CFAP299: variants seen among roughly 807,000 people sequenced by gnomAD.
The protein encoded by CFAP299 is cilia- and flagella-associated protein 299.
In CFAP299, 21 loss-of-function variants were observed where a neutral mutation model predicts 27.0. The ratio of observed to expected loss-of-function variants is 0.78; its 90% CI spans 0.55 to 1.12. The LOEUF is 1.12. Among genes scored for constraint, CFAP299 ranks in the 50% most tolerant of loss-of-function variants. The probability of loss-of-function intolerance (pLI) is 0.00; values close to 1 mark genes in which losing one functional copy is unlikely to be tolerated. For synonymous variants in CFAP299, 104 were observed against 98.1 expected, an observed-to-expected ratio of 1.06 and a Z score of -0.36; for missense variants, 310 against 276.6, an observed-to-expected ratio of 1.12 and a Z score of -0.86.
At chr4:80,842,110 G>A (rs912370994) in intron 3 of CFAP299, among the ~76,000 whole-genome samples, 1 of 152,054 alleles carries the variant, frequency 6.6e-6, no homozygotes, top group African/African-American at 2.4e-5. Context: ...AGAGGTGGGG[G>A]ACTTTGGCTG....
At chr4:80,424,671 C>T (rs1336554439) in intron 2 of CFAP299, among the ~76,000 whole-genome samples, 1 of 152,110 alleles carries the variant, frequency 6.6e-6, no homozygotes. Context: ...CCAAGAACAG[C>T]ATATAACAAT....
At chr4:80,462,275 C>G (rs1729475292) in intron 2 of CFAP299, among the ~76,000 whole-genome samples, 1 of 151,896 alleles carries the variant, frequency 6.6e-6, no homozygotes, top group Non-Finnish European at 1.5e-5. Flanking sequence ...GTAAATAAAC[C>G]TCCCTCTACC....
chr4:80,491,317 A>G (rs1222526775), intron 2 of CFAP299, among the ~76,000 whole-genome samples: 1 of 152,162 alleles, frequency 6.6e-6, no homozygotes, highest in Non-Finnish European at 1.5e-5. Context: ...GTAGTAAATT[A>G]AACTTAGAAT....
chr4:80,746,677 G>T (rs1429612064), intron 3 of CFAP299, among the ~76,000 whole-genome samples: 2 of 152,048 alleles, frequency 1.3e-5, no homozygotes, highest in South Asian at 2.1e-4. Flanking sequence ...GATAAAAATG[G>T]CATTCACAGT....
At chr4:80,563,684 G>A (rs1186450443) in intron 2 of CFAP299, among the ~76,000 whole-genome samples, 2 of 150,248 alleles carry the variant, frequency 1.3e-5, no homozygotes, top group East Asian at 2.0e-4. Flanking sequence ...TAGAAGGAAA[G>A]GAATAATAAA....
At chr4:80,856,694 C>G (rs201195428) in intron 3 of CFAP299, among the ~76,000 whole-genome samples, 11 of 128,628 alleles carry the variant, frequency 8.6e-5, no homozygotes, top group African/African-American at 2.6e-4. Context: ...TCTCAGGTTT[C>G]TCAAAGATCA....
intron 2 of CFAP299, among the ~76,000 whole-genome samples, chr4:80,385,320 C>A (rs1422077234): frequency 2.6e-5 from 4 of 152,124 alleles, no homozygotes; most frequent in Non-Finnish European, 5.9e-5. Flanking sequence ...ACAACTACTC[C>A]AGAATATTTA....
chr4:80,500,553 T>G (rs1371668856), intron 2 of CFAP299, among the ~76,000 whole-genome samples: 1 of 152,162 alleles, frequency 6.6e-6, no homozygotes, highest in East Asian at 1.9e-4. Context: ...AATAATCTTT[T>G]CATTTGTTGG....
intron 3 of CFAP299, among the ~76,000 whole-genome samples, chr4:80,853,961 A>G (rs1179183622): frequency 6.6e-6 from 1 of 152,206 alleles, no homozygotes; most frequent in East Asian, 1.9e-4. Context: ...TGAAAGAGTA[A>G]AAAGTGATAA....
intron 1 of CFAP299, among the ~76,000 whole-genome samples, chr4:80,343,283 C>CAAAG (rs1307597957): frequency 6.6e-6 from 1 of 152,140 alleles, no homozygotes; most frequent in African/African-American, 2.4e-5. Flanking sequence ...AGAAAATTAA[C>CAAAG]AAAGATATTC....
intron 3 of CFAP299, chr4:80,648,765 T>C (rs1740151414): frequency 1.3e-5 from 2 of 152,170 alleles, no homozygotes; most frequent in South Asian, 4.1e-4. Context: ...TGATTAACAA[T>C]AATTTAAGTT....
At chr4:80,655,535 T>C (rs1429893691) in intron 3 of CFAP299, among the ~76,000 whole-genome samples, 1 of 152,138 alleles carries the variant, frequency 6.6e-6, no homozygotes, top group Admixed American at 6.6e-5. Flanking sequence ...GTGTTGTTCT[T>C]GAAGAGCAAA....
At chr4:80,800,772 T>TATATATGC (rs1560419867) in intron 3 of CFAP299, among the ~76,000 whole-genome samples, 10 of 134,074 alleles carry the variant, frequency 7.5e-5, no homozygotes, top group South Asian at 2.2e-4. Flanking sequence ...TGTGTGTATA[T>TATATATGC]ATATATATGT....
Position 80,535,569 on chromosome 4 carries a change from GATAA to G in CFAP299, c.243-47518_243-47515del, listed in dbSNP as rs560367220. On this transcript the variant is annotated intron_variant, in intron 2 of 5. Transcript: ENST00000358105. ...CACTCTCTAGCCATGTTTCTGGATG[GATAA>G]ATAAACAGCTGATTGGTGAACGTTT... Among the ~76,000 whole-genome samples, 648 of 150,986 alleles carry G rather than the reference GATAA, an allele frequency of 4.3e-3. 5 individuals carry two copies. Among genetic ancestry groups the G allele is most frequent in the Non-Finnish European group, 7.3e-3 (496 of 67,802 alleles).
chr4:80,815,163 AGC>A (rs932456180), intron 3 of CFAP299, among the ~76,000 whole-genome samples: 1 of 152,074 alleles, frequency 6.6e-6, no homozygotes, highest in Admixed American at 6.6e-5. Flanking sequence ...ATGAAAGAAA[AGC>A]CAGAATATAA....
chr4:80,914,426 A>C (rs2110206045), intron 4 of CFAP299, among the ~76,000 whole-genome samples: 1 of 152,094 alleles, frequency 6.6e-6, no homozygotes, highest in East Asian at 1.9e-4. Flanking sequence ...GGGCCAGATA[A>C]TTTTTGTCCT....
chr4:80,369,583 G>A (rs1724030180), intron 2 of CFAP299, among the ~76,000 whole-genome samples: 1 of 152,188 alleles, frequency 6.6e-6, no homozygotes, highest in African/African-American at 2.4e-5. Flanking sequence ...AGTTAGCCAT[G>A]TATTCTTCCC....
intron 3 of CFAP299, among the ~76,000 whole-genome samples, chr4:80,812,064 A>C (rs1414606757): frequency 6.6e-6 from 1 of 152,134 alleles, no homozygotes; most frequent in Non-Finnish European, 1.5e-5. Flanking sequence ...AGTGCATTTT[A>C]GAATATATGA....
At chr4:80,469,319 G>T (rs1433263093) in intron 2 of CFAP299, among the ~76,000 whole-genome samples, 1 of 152,194 alleles carries the variant, frequency 6.6e-6, no homozygotes, top group Non-Finnish European at 1.5e-5. Context: ...GTGCTGCAAT[G>T]TATTTATCTG....
Sources: gnomAD v4.1 joint callset for allele counts (sites outside exome capture counted in the v4.1 genomes callset) on GRCh38, gnomAD v4.1.1 for gene constraint, MANE v1.5 for transcripts, NCBI Gene and HGNC (gene_info 2026-07-23, HGNC 2026-07-21) for gene names.